Variants in SNX29 observed in about 807,000 individuals in gnomAD.
The protein encoded by SNX29 is sorting nexin 29.
Under a neutral mutation model 102.1 loss-of-function variants are expected in SNX29, and 78 were observed. The observed-to-expected ratio is 0.76, with a 90% CI of 0.64 to 0.92. The LOEUF (loss-of-function observed/expected upper bound fraction) is 0.92, where lower values mean the gene tolerates loss of function less well. Among genes scored for constraint, SNX29 ranks in the 40% least tolerant of loss-of-function variants. SNX29 has a pLI of 0.00. For missense variants in SNX29, 1,280 were observed against 1,061.7 expected (o/e 1.21, Z -2.86); for synonymous variants, 580 against 414.5 (o/e 1.40, Z -4.85).
chr16:12,207,139 CG>C (rs1307931319), intron 14 of SNX29, among the ~76,000 whole-genome samples: 1 of 152,044 alleles, frequency 6.6e-6, no homozygotes, highest in East Asian at 1.9e-4. Context: ...GAGGCCAAGA[CG>C]GGTGGATCAC....
intron 18 of SNX29, among the ~76,000 whole-genome samples, chr16:12,416,469 G>A (rs1040756690): frequency 2.0e-5 from 3 of 152,186 alleles, no homozygotes; most frequent in Non-Finnish European, 2.9e-5. Flanking sequence ...TGATGGATCT[G>A]CTCATTACCC....
chr16:12,324,461 A>G (rs2081055844), intron 15 of SNX29, among the ~76,000 whole-genome samples: 7 of 151,312 alleles, frequency 4.6e-5, no homozygotes, highest in Admixed American at 4.6e-4. Context: ...GTTTGTGGAG[A>G]TGGAGTCAGG....
intron 13 of SNX29, among the ~76,000 whole-genome samples, chr16:12,188,469 G>C (rs980126803): frequency 6.6e-6 from 1 of 152,204 alleles, no homozygotes; most frequent in African/African-American, 2.4e-5. Flanking sequence ...TTTTGAGTGA[G>C]GGACTGACAA....
intron 1 of SNX29, among the ~76,000 whole-genome samples, chr16:11,979,744 C>T (rs925953149): frequency 6.6e-6 from 1 of 152,030 alleles, no homozygotes; most frequent in African/African-American, 2.4e-5. Flanking sequence ...CCACCATGCC[C>T]GGCTGAGTTT....
intron 20 of SNX29, among the ~76,000 whole-genome samples, chr16:12,554,965 T>TTGGGGG (rs2078234691): frequency 6.7e-6 from 1 of 148,952 alleles, no homozygotes; most frequent in African/African-American, 2.6e-5. Flanking sequence ...ATGGAGGTGG[T>TTGGGGG]GAGGGGGGTC....
At chr16:12,370,375 C>G (rs541648794) in intron 16 of SNX29, among the ~76,000 whole-genome samples, 1 of 152,150 alleles carries the variant, frequency 6.6e-6, no homozygotes, top group Non-Finnish European at 1.5e-5. Flanking sequence ...GCCTGGCCAA[C>G]GTGGTGAAAA....
chr16:12,043,185 A>T (rs879356170), intron 5 of SNX29, 108 bp downstream of exon 5: 3 of 1,410,182 alleles, frequency 2.1e-6, no homozygotes, highest in Admixed American at 2.0e-5. Flanking sequence ...ATCTGGGGGA[A>T]GTGGGCCTCC....
At chr16:12,291,592 T>G (rs781502827) in intron 15 of SNX29, among the ~76,000 whole-genome samples, 1 of 152,204 alleles carries the variant, frequency 6.6e-6, no homozygotes, top group Non-Finnish European at 1.5e-5. Flanking sequence ...ATAGTTTTTC[T>G]TCCAGGTTCA....
At chr16:12,243,761 C>A (rs902454281) in intron 14 of SNX29, among the ~76,000 whole-genome samples, 1 of 152,192 alleles carries the variant, frequency 6.6e-6, no homozygotes, top group Non-Finnish European at 1.5e-5. Flanking sequence ...GGCTCATTCA[C>A]CCTCTCAGAG....
At chr16:12,476,037 A>G (rs1177550937) in intron 18 of SNX29, among the ~76,000 whole-genome samples, 1 of 152,074 alleles carries the variant, frequency 6.6e-6, no homozygotes, top group Non-Finnish European at 1.5e-5. Context: ...ATATAGGGTG[A>G]CAGCCAGGCG....
At chr16:12,049,254 C>G (rs1456724136) in intron 7 of SNX29, among the ~76,000 whole-genome samples, 1 of 151,862 alleles carries the variant, frequency 6.6e-6, no homozygotes, top group East Asian at 1.9e-4. Context: ...TTTGGGAGGC[C>G]GAGGCAGGAG....
chr16:12,561,367 G>C (rs978920112), intron 20 of SNX29, among the ~76,000 whole-genome samples: 10 of 152,126 alleles, frequency 6.6e-5, no homozygotes, highest in African/African-American at 2.4e-4. Context: ...GAGGGAGCTA[G>C]GTCGTGGAAG....
At chr16:12,357,384 T>G (rs954946920) in intron 16 of SNX29, among the ~76,000 whole-genome samples, 6 of 152,350 alleles carry the variant, frequency 3.9e-5, no homozygotes, top group Non-Finnish European at 8.8e-5. Context: ...TACCAGTAAT[T>G]GCTTTGTGTC....
At position 12,574,006 on chromosome 16, in the gene SNX29, T is replaced by A. The variant is rs1335553160; in HGVS notation, c.*5377T>A. On this transcript the variant is annotated 3_prime_UTR_variant, in exon 21 of 21. Transcript: ENST00000566228. ...ATGATCGGCTCCCAGTGCACCCCCT[T>A]AAGGGTAAGCAGGCCACATATCTAG... The A allele has an allele frequency of 5.1e-6, 1 of 196,946 alleles. No individual in the cohort carries two copies. The highest frequency in any genetic ancestry group is 1.1e-5 in the Non-Finnish European group (1 of 95,050). The allele number at this position is 196,946 out of a possible 1,614,324, so 12.2% of individuals were successfully genotyped here.
chr16:12,552,094 C>A (rs527812209), intron 20 of SNX29, among the ~76,000 whole-genome samples: 2 of 152,192 alleles, frequency 1.3e-5, no homozygotes, highest in Non-Finnish European at 2.9e-5. Flanking sequence ...ACTGTGCTAT[C>A]CTCAGTGAGT....
intron 19 of SNX29, among the ~76,000 whole-genome samples, chr16:12,509,570 G>A (rs2089518453): frequency 6.6e-6 from 1 of 152,202 alleles, no homozygotes; most frequent in African/African-American, 2.4e-5. Flanking sequence ...GTAAACAGGT[G>A]TGGGCAAGAA....
intron 3 of SNX29, among the ~76,000 whole-genome samples, chr16:12,013,964 A>T (rs1303696677): frequency 6.6e-6 from 1 of 151,448 alleles, no homozygotes; most frequent in Non-Finnish European, 1.5e-5. Flanking sequence ...ATTTTTATTT[A>T]TTAAGAAAAT....
chr16:12,444,915 GACCTCAGCTCACTGCA>G (rs1334953699), intron 18 of SNX29, among the ~76,000 whole-genome samples: 4 of 146,142 alleles, frequency 2.7e-5, no homozygotes, highest in African/African-American at 1.0e-4. Flanking sequence ...GCAGTGGCAC[GACCTCAGCTCACTGCA>G]ACCCCTGCCT....
chr16:12,513,749 G>A (rs1179653084), intron 19 of SNX29, among the ~76,000 whole-genome samples: 3 of 152,196 alleles, frequency 2.0e-5, no homozygotes, highest in African/African-American at 4.8e-5. Flanking sequence ...AAATTAATCA[G>A]GGGAGGCCAC....
Sources: allele counts gnomAD v4.1 joint callset (sites outside exome capture counted in the v4.1 genomes callset), GRCh38; gene constraint gnomAD v4.1.1; transcripts MANE v1.5; gene names NCBI Gene and HGNC (gene_info 2026-07-23, HGNC 2026-07-21).